The following LRRC53 variants were observed in gnomAD, a reference collection of about 807,000 sequenced individuals.
LRRC53 encodes the protein leucine-rich repeat-containing protein 53.
A neutral mutation model predicts 13.6 loss-of-function variants in LRRC53; 25 were observed. The ratio of observed to expected loss-of-function variants is 1.83; its 90% confidence interval spans 1.34 to 2.56. The LOEUF is 2.56. LRRC53 is among the 30% of genes most tolerant of loss of function. The pLI, the probability that LRRC53 is intolerant of heterozygous loss-of-function variation, is 0.00. For missense variants in LRRC53, 527 were observed against 275.8 expected, an observed-to-expected ratio of 1.91 and a Z score of -6.45; for synonymous variants, 204 against 109.8, an observed-to-expected ratio of 1.86 and a Z score of -5.37.
chr1:74,475,620 C>T lies in LRRC53; in HGVS notation c.1095G>A (p.Lys365=). ...NCHLTQENEI[K]VMSTVGSRKE... ...TTCTGGACCCCACAGTGGACATGACCTTTATCTCGTTTTCCTGAGTTAAGT... is the reference window on the plus strand; with the variant it reads ...TTCTGGACCCCACAGTGGACATGACTTTTATCTCGTTTTCCTGAGTTAAGT... The change falls in exon 4 of 5, where the codon AAG becomes AAA. Residue 365 remains lysine (K), a synonymous_variant. Coordinates refer to ENST00000294635, the MANE Select transcript of LRRC53 (RefSeq NM_001382280.1). 1 of 717,222 alleles carries T rather than the reference C, an allele frequency of 1.4e-6. No homozygotes were observed. Among genetic ancestry groups the T allele is most frequent in the Non-Finnish European group, 2.6e-6 (1 of 384,904 alleles). The allele number at this position is 717,222 out of a possible 1,614,324, so 44.4% of individuals were successfully genotyped here.
At chr1:74,509,968 G>C (rs1342717558) in intron 1 of LRRC53, among the ~76,000 whole-genome samples, 1 of 151,772 alleles carries the variant, frequency 6.6e-6, no homozygotes, top group East Asian at 1.9e-4. Flanking sequence ...CACCCAGGCT[G>C]GTCTTGAATT....
At position 74,471,824 on chromosome 1, in the gene LRRC53, C is replaced by T. The variant is rs1667946884; in HGVS notation, c.1798G>A (p.Glu600Lys). Residue 600 changes from glutamate (E) to lysine (K), a missense_variant, in exon 5 of 5, where the codon GAG (glutamate) becomes AAG (lysine). Transcript: ENST00000294635. ...CTGTTAATTTGGATTTGCTCTTTCT[C>T]AGGCTTTGAGTGTTGTCTACGATTT... ...KPNRRQHSKPEKEQIQINSAI... is the reference protein window; with the variant it reads ...KPNRRQHSKPKKEQIQINSAI... 2.3e-6 allele frequency: 1 copy of T among 434,408 alleles called. No homozygotes were observed. Among genetic ancestry groups the T allele is most frequent in the Non-Finnish European group, 4.1e-6 (1 of 246,440 alleles). 26.9% of individuals were successfully genotyped at this position (434,408 alleles called of 1,614,324 possible). A position where few individuals can be genotyped will look rare whatever the true frequency, so the allele number is the denominator to read the frequency against.
chr1:74,470,301 G>T lies in LRRC53; in HGVS notation c.3321C>A (p.Gly1107=), dbSNP rs887314258. ...LTQISQMTLK[G]ITKERQQTWE... ...AAGTTTGCTGCCTTTCTTTTGTGAT[G>T]CCTTTTAAGGTCATTTGTGAGATCT... The change falls in exon 5 of 5, where the codon GGC becomes GGA. Residue 1107 remains glycine, a synonymous_variant. Coordinates refer to ENST00000294635, the MANE Select transcript of LRRC53 (RefSeq NM_001382280.1). 2 of 400,600 alleles carry T rather than the reference G, an allele frequency of 5.0e-6. No individual in the cohort carries two copies. The highest frequency in any genetic ancestry group is 3.1e-4 in the Middle Eastern group (1 of 3,218). The allele number at this position is 400,600 out of a possible 1,614,324, so 24.8% of individuals were successfully genotyped here. A position where few individuals can be genotyped will look rare whatever the true frequency, so the allele number is the denominator to read the frequency against.
At chr1:74,521,398 T>C in the LRRC53 span, among the ~76,000 whole-genome samples, 50 of 152,212 alleles carry the variant, frequency 3.3e-4, no homozygotes, top group African/African-American at 1.2e-3. Flanking sequence ...ACCTGGCACA[T>C]AGTTACTGTT....
At chr1:74,483,549 A>T (rs1557597624) in intron 1 of LRRC53, among the ~76,000 whole-genome samples, 174 bp from the exon 2 acceptor site, 1 of 152,218 alleles carries the variant, frequency 6.6e-6, no homozygotes, top group Non-Finnish European at 1.5e-5. Context: ...TAGAATTTAA[A>T]CTGAAATGTT....
rs991217987 is a variant in LRRC53 at position 74,475,651 on chromosome 1, T to C, written c.1064A>G (p.Asn355Ser). ...ARNYHTKGYC[N>S]CHLTQENEIK... The stretch of plus-strand genomic sequence containing the variant: ...CTCGTTTTCCTGAGTTAAGTGGCAG[T>C]TGCAGTATCCCTTAGTGTGGTAATT... Residue 355 changes from asparagine (N) to serine (S), a missense_variant, in exon 4 of 5, where the codon AAC becomes AGC. By Grantham distance (46) the Asn-to-Ser change is conservative. Transcript: ENST00000294635. The C allele has an allele frequency of 1.4e-6, 1 of 717,136 alleles. No homozygotes were observed. Among genetic ancestry groups the C allele is most frequent in the African/African-American group, 1.7e-5 (1 of 57,348 alleles). 44.4% of individuals were successfully genotyped at this position (717,136 alleles called of 1,614,324 possible).
At chr1:74,496,283 G>A (rs1234773174) in intron 1 of LRRC53, among the ~76,000 whole-genome samples, 1 of 152,104 alleles carries the variant, frequency 6.6e-6, no homozygotes, top group Non-Finnish European at 1.5e-5. Context: ...GTGACCAAAG[G>A]GGACCATTTT....
At chr1:74,505,605 T>G (rs1005137229) in intron 1 of LRRC53, among the ~76,000 whole-genome samples, 3 of 152,200 alleles carry the variant, frequency 2.0e-5, no homozygotes, top group African/African-American at 7.2e-5. Context: ...TATCTAAACC[T>G]CATATAATGC....
At chr1:74,528,980 G>A in the LRRC53 span, among the ~76,000 whole-genome samples, 2 of 152,132 alleles carry the variant, frequency 1.3e-5, no homozygotes, top group Non-Finnish European at 2.9e-5. Context: ...CATAACAAAG[G>A]AATACATTGA....
At chr1:74,499,967 C>A (rs1414310067) in intron 1 of LRRC53, among the ~76,000 whole-genome samples, 1 of 151,980 alleles carries the variant, frequency 6.6e-6, no homozygotes, top group Admixed American at 6.6e-5. Flanking sequence ...CTCACCCTAT[C>A]TTTCTATCTT....
intron 1 of LRRC53, among the ~76,000 whole-genome samples, chr1:74,507,554 G>A (rs1038944820): frequency 6.6e-6 from 1 of 152,126 alleles, no homozygotes; most frequent in African/African-American, 2.4e-5. Flanking sequence ...GGATATATGT[G>A]TATTGAATGA....
the LRRC53 span, among the ~76,000 whole-genome samples, chr1:74,531,872 G>T: frequency 6.6e-6 from 1 of 152,160 alleles, no homozygotes; most frequent in Non-Finnish European, 1.5e-5. Flanking sequence ...ATGACAGACG[G>T]CAATAAACCA....
At chr1:74,490,728 G>A (rs1005605294) in intron 1 of LRRC53, among the ~76,000 whole-genome samples, 1 of 152,142 alleles carries the variant, frequency 6.6e-6, no homozygotes. Context: ...AAGGCCAAGA[G>A]GGAGCTACTC....
chr1:74,483,750 T>C (rs1007508187), intron 1 of LRRC53, among the ~76,000 whole-genome samples: 5 of 152,188 alleles, frequency 3.3e-5, no homozygotes, highest in Non-Finnish European at 7.4e-5. Context: ...TAGCAAACCA[T>C]CCTAAATCAC....
chr1:74,487,204 C>T (rs749273562), intron 1 of LRRC53, among the ~76,000 whole-genome samples: 3 of 151,104 alleles, frequency 2.0e-5, no homozygotes, highest in Non-Finnish European at 3.0e-5. Context: ...GGAACATGAA[C>T]GATGCAAAAA....
chr1:74,498,741 A>G (rs1028196036), intron 1 of LRRC53, among the ~76,000 whole-genome samples: 3 of 152,140 alleles, frequency 2.0e-5, no homozygotes, highest in Non-Finnish European at 4.4e-5. Context: ...CCCGACTATT[A>G]GCACACTAAA....
At chr1:74,482,752 A>T (rs1332778298) in intron 2 of LRRC53, among the ~76,000 whole-genome samples, 1 of 152,192 alleles carries the variant, frequency 6.6e-6, no homozygotes, top group East Asian at 1.9e-4. Context: ...GCAATATGTA[A>T]TGAATACAGG....
chr1:74,535,833 T>G, the LRRC53 span, among the ~76,000 whole-genome samples: 1 of 152,194 alleles, frequency 6.6e-6, no homozygotes. Flanking sequence ...TAACCACTCG[T>G]CATCTGGAAC....
chr1:74,488,110 A>C (rs1028853768), intron 1 of LRRC53, among the ~76,000 whole-genome samples: 1 of 152,216 alleles, frequency 6.6e-6, no homozygotes, highest in Non-Finnish European at 1.5e-5. Flanking sequence ...GAGAGTATGA[A>C]GTAAGCCAGT....
Sources: gnomAD v4.1 joint callset for allele counts (sites outside exome capture counted in the v4.1 genomes callset) on GRCh38, gnomAD v4.1.1 for gene constraint, MANE v1.5 for transcripts, NCBI Gene and HGNC (gene_info 2026-07-23, HGNC 2026-07-21) for gene names.